Variants in ASIC4 observed in about 807,000 individuals in gnomAD.
ASIC4 encodes acid sensing ion channel subunit family member 4.
In ASIC4, 28 loss-of-function variants were observed where a neutral mutation model predicts 53.4. The ratio of observed to expected loss-of-function variants is 0.52; its 90% CI spans 0.39 to 0.72. The LOEUF (loss-of-function observed/expected upper bound fraction) is 0.72. Among genes scored for constraint, ASIC4 ranks in the 30% least tolerant of loss-of-function variants. The pLI, the probability that ASIC4 is intolerant of heterozygous loss-of-function variation, is 0.00. For missense variants in ASIC4, 649 were observed against 729.7 expected, an observed-to-expected ratio of 0.89 and a Z score of 1.27; for synonymous variants, 289 against 301.4, an observed-to-expected ratio of 0.96 and a Z score of 0.43.
rs1694840701 is a variant in ASIC4 at position 219,518,876 on chromosome 2, G to A, written c.582+3570G>A. On this transcript the variant is annotated intron_variant, in intron 1 of 9. Transcript: ENST00000358078. The surrounding 1 kb of genome is among the most constrained non-coding windows in gnomAD (Gnocchi z 4.8). ...TGTGTGGCCGTGGGGAAGCCAAAAA[G>A]CTTCTGTGAGCATCGGTTTGTGTAT... 6.6e-6 allele frequency among the ~76,000 whole-genome samples: 1 copy of A among 152,216 alleles called. No individual in the cohort carries two copies. The highest frequency in any genetic ancestry group is 1.5e-5 in the Non-Finnish European group (1 of 68,036).
At chr2:219,523,279 T>C in intron 1 of ASIC4, among the ~76,000 whole-genome samples, 1 of 152,184 alleles carries the variant, frequency 6.6e-6, no homozygotes, top group East Asian at 1.9e-4. Context: ...TGGGGAATGG[T>C]TTTGACCGTT....
chr2:219,516,135 C>G lies in ASIC4; in HGVS notation c.582+829C>G, dbSNP rs187986266. Reference sequence around the variant, plus strand: ...TTTCCTGCACACTCCCTCTCTCACTCACTGTCCCTGTCACTACACTCACAT... The same window carrying G: ...TTTCCTGCACACTCCCTCTCTCACTGACTGTCCCTGTCACTACACTCACAT... On this transcript the variant is annotated intron_variant, in intron 1 of 9. Transcript: ENST00000358078. This position sits in a 1 kb window ranked among gnomAD's most constrained non-coding sequence, Gnocchi z 4.9. Among the ~76,000 whole-genome samples, 3 of 152,274 alleles carry G rather than the reference C, an allele frequency of 2.0e-5. No homozygotes were observed. Among genetic ancestry groups the G allele is most frequent in the Admixed American group, 6.5e-5 (1 of 15,296 alleles).
chr2:219,521,222 T>G (rs567900685), intron 1 of ASIC4, among the ~76,000 whole-genome samples: 3 of 152,286 alleles, frequency 2.0e-5, no homozygotes, highest in Admixed American at 6.5e-5. Context: ...GGGAGGGCCA[T>G]GAGGGACATG....
Position 219,537,443 on chromosome 2 carries a change from G to A in ASIC4, c.1401+122G>A. On this transcript the variant is annotated intron_variant, in intron 8 of 9. Coordinates refer to ENST00000358078, the MANE Select transcript of ASIC4 (RefSeq NM_018674.6). The surrounding 1 kb of genome is among the most constrained non-coding windows in gnomAD (Gnocchi z 4.9). ...GTCAGGTTCAGGGTTCTCTGCCAGG[G>A]TCCCCTGACTGGCTGGCAGGCCTGA... is the stretch of plus-strand genomic sequence containing the variant. 8.0e-7 allele frequency: 1 copy of A among 1,250,480 alleles called. No individual in the cohort carries two copies. Among genetic ancestry groups the A allele is most frequent in the Non-Finnish European group, 1.1e-6 (1 of 886,374 alleles). The allele number at this position is 1,250,480 out of a possible 1,614,324, so 77.5% of individuals were successfully genotyped here.
Position 219,531,823 on chromosome 2 carries a change from G to A in ASIC4, c.648G>A (p.Arg216=). The A allele has an allele frequency of 6.2e-7, 1 of 1,613,786 alleles. No homozygotes were observed. ...NADPRSSLPS[R]AGGMGSGLEI... ...ACCCGCGGAGCTCGCTGCCCAGCCG[G>A]GCAGGGGGCATGGGCAGTGGCCTGG... is the stretch of plus-strand genomic sequence containing the variant. The change falls in exon 2 of 10, where the codon CGG becomes CGA. Residue 216 remains arginine (R), a synonymous_variant. Coordinates refer to ENST00000358078, the MANE Select transcript of ASIC4 (RefSeq NM_018674.6).
At chr2:219,509,938 G>A (rs1381228041), upstream of ASIC4, among the ~76,000 whole-genome samples, 1 of 151,338 alleles carries the variant, frequency 6.6e-6, no homozygotes, top group Non-Finnish European at 1.5e-5. This position sits in a 1 kb window ranked among gnomAD's most constrained non-coding sequence, Gnocchi z 5.2. Flanking sequence ...CCCCAAATCC[G>A]CCCGTTCTCG....
intron 1 of ASIC4, among the ~76,000 whole-genome samples, chr2:219,529,543 G>A (rs1410845506): frequency 2.0e-5 from 3 of 152,192 alleles, no homozygotes; most frequent in Non-Finnish European, 4.4e-5. Context: ...ATGGGGCTGG[G>A]GCAGGAGCTG....
In ASIC4 at chr2:219,526,378, G is replaced by A. The variant is rs534623587; in HGVS notation, c.583-5380G>A. On this transcript the variant is annotated intron_variant, in intron 1 of 9. Coordinates refer to ENST00000358078, the MANE Select transcript of ASIC4 (RefSeq NM_018674.6). ...GCCTCAGGCCCAGGGAAAAGTCTAG[G>A]AGGAAGACAAGAGGCTGAGACTCGA... Among the ~76,000 whole-genome samples the A allele has an allele frequency of 5.9e-5, 9 of 152,282 alleles. No homozygotes were observed. The East Asian group carries it at 1.7e-3, about 29-fold the overall frequency.
chr2:219,525,565 A>G (rs1694948686), intron 1 of ASIC4, among the ~76,000 whole-genome samples: 1 of 152,104 alleles, frequency 6.6e-6, no homozygotes, highest in Non-Finnish European at 1.5e-5. Flanking sequence ...GCCTTTGTAC[A>G]ATGAGTGATT....
At chr2:219,525,244 G>C (rs1028373129) in intron 1 of ASIC4, among the ~76,000 whole-genome samples, 1 of 152,166 alleles carries the variant, frequency 6.6e-6, no homozygotes. Flanking sequence ...ACTGGTGCAC[G>C]TATATGACTG....
intron 1 of ASIC4, among the ~76,000 whole-genome samples, chr2:219,521,344 T>A (rs1694881202): frequency 6.6e-6 from 1 of 152,184 alleles, no homozygotes; most frequent in Non-Finnish European, 1.5e-5. Context: ...AGATGCTGAT[T>A]AGCGTTTGAA....
intron 1 of ASIC4, among the ~76,000 whole-genome samples, chr2:219,529,832 G>C (rs1695012986): frequency 1.3e-5 from 2 of 152,118 alleles, no homozygotes; most frequent in South Asian, 4.1e-4. Context: ...TCGGGAACGG[G>C]AGGCAGGGTG....
At chr2:219,523,327 T>C (rs1053806193) in intron 1 of ASIC4, among the ~76,000 whole-genome samples, 1 of 152,064 alleles carries the variant, frequency 6.6e-6, no homozygotes, top group African/African-American at 2.4e-5. Flanking sequence ...CCCGTTCTCC[T>C]CTCCCGTGGA....
In ASIC4 at chr2:219,536,960, T is replaced by A; in HGVS notation, c.1230-106T>A. 1 of 967,372 alleles carries A rather than the reference T, an allele frequency of 1.0e-6. No homozygotes were observed. The highest frequency in any genetic ancestry group is 1.5e-5 in the South Asian group (1 of 66,484). The allele number at this position is 967,372 out of a possible 1,614,324, so 59.9% of individuals were successfully genotyped here. The stretch of plus-strand genomic sequence containing the variant: ...GGAGTCCGGGGGGTAGTCACTGACT[T>A]CCCCATGTAGTGATCTCTGATCAGG... On this transcript the variant is annotated intron_variant, in intron 6 of 9. Coordinates refer to ENST00000358078, the MANE Select transcript of ASIC4 (RefSeq NM_018674.6). This position sits in a 1 kb window ranked among gnomAD's most constrained non-coding sequence, Gnocchi z 4.6.
At chr2:219,519,821 C>T (rs4674408) in intron 1 of ASIC4, among the ~76,000 whole-genome samples, 41,019 of 151,614 alleles carry the variant, frequency 0.27, 6,300 homozygotes, top group African/African-American at 0.42. Flanking sequence ...CGGGCTGTGA[C>T]TGGAAGTCGG....
the ASIC4 span, among the ~76,000 whole-genome samples, chr2:219,508,414 G>A: frequency 1.3e-5 from 2 of 152,296 alleles, no homozygotes; most frequent in Non-Finnish European, 2.9e-5. Flanking sequence ...TGGGGGTGGG[G>A]ACATGGTGGG....
intron 1 of ASIC4, among the ~76,000 whole-genome samples, chr2:219,519,065 C>T (rs1250793001): frequency 2.0e-5 from 3 of 152,104 alleles, no homozygotes; most frequent in Non-Finnish European, 2.9e-5. Flanking sequence ...CCACCTCGCC[C>T]GGCTAATTTT....
At chr2:219,534,076 G>A (rs906711223) in intron 5 of ASIC4, 11 of 149,570 alleles carry the variant, frequency 7.4e-5, no homozygotes, top group African/African-American at 2.7e-4. Context: ...GAGGCTCTAG[G>A]AAGCCAACAA....
chr2:219,508,981 G>T, the ASIC4 span, among the ~76,000 whole-genome samples: 3 of 152,034 alleles, frequency 2.0e-5, no homozygotes, highest in Non-Finnish European at 4.4e-5. Context: ...GAGGAGAGCC[G>T]GGGACAGGGA....
Sources: allele counts gnomAD v4.1 joint callset (sites outside exome capture counted in the v4.1 genomes callset), GRCh38; gene constraint gnomAD v4.1.1; non-coding constraint Gnocchi (gnomAD v3.1); transcripts MANE v1.5; gene names NCBI Gene and HGNC (gene_info 2026-07-23, HGNC 2026-07-21).